Variants in PEMT observed in about 807,000 individuals in gnomAD.
The protein encoded by PEMT is phospholipid methyltransferase.
Under a neutral mutation model 27.4 loss-of-function variants are expected in PEMT, and 23 were observed. The observed-to-expected ratio is 0.84, with a 90% CI of 0.60 to 1.19. PEMT has a LOEUF of 1.19. Among genes scored for constraint, PEMT ranks in the 50% most tolerant of loss-of-function variants. The pLI is 0.00. For missense variants in PEMT, 307 were observed against 310.1 expected (o/e 0.99, Z 0.07); for synonymous variants, 137 against 139.1 (o/e 0.98, Z 0.11).
At chr17:17,558,789 A>T (rs2142682400) in intron 2 of PEMT, among the ~76,000 whole-genome samples, 1 of 151,420 alleles carries the variant, frequency 6.6e-6, no homozygotes, top group Middle Eastern at 3.4e-3. Context: ...CAGGTGCTCC[A>T]TGTACACTAT....
chr17:17,512,850 A>G lies in PEMT; in HGVS notation c.321-196T>C, dbSNP rs1906523120. Among the ~76,000 whole-genome samples, 1 of 152,182 alleles carries G rather than the reference A, an allele frequency of 6.6e-6. No individual in the cohort carries two copies. The highest frequency in any genetic ancestry group is 6.5e-5 in the Admixed American group (1 of 15,286). On this transcript the variant is annotated intron_variant, in intron 3 of 6. Transcript: ENST00000255389. This position sits in a 1 kb window ranked among gnomAD's most constrained non-coding sequence, Gnocchi z 6.3. ...GGGTGACAGTAACAGGGAGGGGCCC[A>G]GGCCTGTCAGATTTTTAAATTTTTT...
intron 2 of PEMT, among the ~76,000 whole-genome samples, chr17:17,529,174 C>A (rs1213007631): frequency 6.6e-6 from 1 of 152,224 alleles, no homozygotes; most frequent in East Asian, 1.9e-4. Flanking sequence ...CCGTGTCAGC[C>A]CCCTCTGCTC....
intron 5 of PEMT, chr17:17,506,915 C>T: frequency 1.9e-6 from 1 of 523,306 alleles, no homozygotes; most frequent in East Asian, 3.2e-5. Flanking sequence ...GGTGGTGGGA[C>T]AGCAGCCCCA....
At chr17:17,510,988 C>G (rs1447829979) in intron 4 of PEMT, among the ~76,000 whole-genome samples, 2 of 152,150 alleles carry the variant, frequency 1.3e-5, no homozygotes, top group Admixed American at 6.5e-5. Context: ...CCTCCTGAGC[C>G]CCACCTCTGA....
In PEMT at chr17:17,544,406, G is replaced by A. The variant is rs992075715; in HGVS notation, c.205-22011C>T. ...AGCGATTCTCCTGCCTCAGCCTCCC[G>A]AGTAGCTGGGATTACAGGTGCCCAC... On this transcript the variant is annotated intron_variant, in intron 2 of 6. Transcript: ENST00000255389. 2.6e-5 allele frequency among the ~76,000 whole-genome samples: 4 copies of A among 151,704 alleles called. No homozygotes were observed. In the South Asian group the frequency reaches 8.3e-4, roughly 32 times the overall value.
chr17:17,537,107 G>T (rs1336779594), intron 2 of PEMT, among the ~76,000 whole-genome samples: 2 of 152,212 alleles, frequency 1.3e-5, no homozygotes, highest in Admixed American at 6.5e-5. Context: ...AATACATTTT[G>T]CTCCTTTTCC....
chr17:17,549,033 T>G (rs962870203), intron 2 of PEMT, among the ~76,000 whole-genome samples: 2 of 152,062 alleles, frequency 1.3e-5, no homozygotes, highest in Admixed American at 1.3e-4. Context: ...CTTTTTTTTT[T>G]TGAGACAAGG....
At chr17:17,570,674 C>T (rs899231592) in intron 2 of PEMT, 24 of 985,246 alleles carry the variant, frequency 2.4e-5, no homozygotes, top group African/African-American at 5.2e-5. Flanking sequence ...GGTGGGAGGA[C>T]GCCTGCCAGA....
chr17:17,584,988 G>A (rs751116930), intron 1 of PEMT, among the ~76,000 whole-genome samples: 3 of 152,246 alleles, frequency 2.0e-5, no homozygotes, highest in Non-Finnish European at 4.4e-5. Context: ...TGTGACAACT[G>A]TGTCATCGAG....
chr17:17,511,064 G>C (rs780084004), intron 4 of PEMT, among the ~76,000 whole-genome samples: 4 of 152,126 alleles, frequency 2.6e-5, no homozygotes, highest in Admixed American at 6.5e-5. Flanking sequence ...CCTCTCTGGG[G>C]ATGGAGCCTC....
chr17:17,562,546 C>T (rs1213496973), intron 2 of PEMT, among the ~76,000 whole-genome samples: 1 of 152,244 alleles, frequency 6.6e-6, no homozygotes, highest in Non-Finnish European at 1.5e-5. Flanking sequence ...CACGGTGGCT[C>T]ACCTGTAATC....
At chr17:17,526,830 G>A (rs1597891021) in intron 2 of PEMT, among the ~76,000 whole-genome samples, 1 of 152,146 alleles carries the variant, frequency 6.6e-6, no homozygotes, top group African/African-American at 2.4e-5. Context: ...AACACTCAGC[G>A]TTTTTCACAT....
At chr17:17,570,068 C>A (rs1396067344) in intron 2 of PEMT, among the ~76,000 whole-genome samples, 1 of 152,238 alleles carries the variant, frequency 6.6e-6, no homozygotes, top group Non-Finnish European at 1.5e-5. Context: ...GAAAACCAGT[C>A]AATGGGCAAT....
intron 2 of PEMT, among the ~76,000 whole-genome samples, chr17:17,531,906 T>A (rs1049558355): frequency 2.0e-5 from 3 of 152,172 alleles, no homozygotes; most frequent in Non-Finnish European, 2.9e-5. Flanking sequence ...GCTTCTTCTC[T>A]TCAAAAGACA....
intron 2 of PEMT, 145 bp downstream of exon 2, chr17:17,576,775 C>T (rs904212602): frequency 2.2e-4 from 149 of 684,294 alleles, no homozygotes; most frequent in Middle Eastern, 1.1e-3. Context: ...TAGTACTCCA[C>T]ACCAGCCAGC....
At position 17,505,620 on chromosome 17, in the gene PEMT, C is replaced by T; in HGVS notation, c.*171G>A. The T allele has an allele frequency of 1.7e-6, 1 of 584,578 alleles. No individual in the cohort carries two copies. Among genetic ancestry groups the T allele is most frequent in the Non-Finnish European group, 2.7e-6 (1 of 366,492 alleles). 36.2% of individuals were successfully genotyped at this position (584,578 alleles called of 1,614,324 possible). On this transcript the variant is annotated 3_prime_UTR_variant, in exon 7 of 7. Coordinates refer to ENST00000255389, the MANE Select transcript of PEMT (RefSeq NM_148172.3). ...AATGTGTGGGTTGGAGCTCAATGGC[C>T]ATATGTCGGCACGTCCAGGGTCCCC...
chr17:17,507,326 T>C (rs1905956606), intron 5 of PEMT: 2 of 734,238 alleles, frequency 2.7e-6, no homozygotes, highest in Admixed American at 2.1e-5. Flanking sequence ...TGGCTGCCCC[T>C]GTGCCAAGCT....
chr17:17,541,188 G>A (rs149193721), intron 2 of PEMT, among the ~76,000 whole-genome samples: 1,823 of 152,312 alleles, frequency 0.012, 39 homozygotes, highest in African/African-American at 0.041. Context: ...TGAGGTAGGC[G>A]CCAGGCCCAA....
intron 2 of PEMT, among the ~76,000 whole-genome samples, chr17:17,526,549 C>A (rs764703525): frequency 1.6e-4 from 24 of 152,254 alleles, no homozygotes; most frequent in Non-Finnish European, 2.9e-4. Flanking sequence ...CGTCTCTCCC[C>A]CTATCCGTGG....
Sources: gnomAD v4.1 joint callset for allele counts (sites outside exome capture counted in the v4.1 genomes callset) on GRCh38, gnomAD v4.1.1 for gene constraint, Gnocchi (gnomAD v3.1) non-coding constraint, MANE v1.5 for transcripts, NCBI Gene and HGNC (gene_info 2026-07-23, HGNC 2026-07-21) for gene names.